Variants in HLCS observed in about 807,000 individuals in gnomAD.
The protein encoded by HLCS is biotin--protein ligase.
HLCS carries 53 observed loss-of-function variants against 75.0 expected under a neutral mutation model. The observed-to-expected ratio is 0.71, with a 90% confidence interval of 0.57 to 0.89. The LOEUF (loss-of-function observed/expected upper bound fraction) is 0.89, where lower values mean the gene tolerates loss of function less well. HLCS is among the 40% of genes least tolerant of loss of function. HLCS has a pLI of 0.00. For missense variants in HLCS, 966 were observed against 1,074.0 expected (o/e 0.90, Z 1.41); for synonymous variants, 431 against 428.6 (o/e 1.01, Z -0.07).
chr21:36,838,598 G>T (rs905020083), intron 6 of HLCS, among the ~76,000 whole-genome samples: 7 of 151,990 alleles, frequency 4.6e-5, no homozygotes, highest in African/African-American at 1.7e-4. Context: ...CAGCTACTCG[G>T]GAGGCTGAGG....
chr21:36,942,724 T>A (rs1176693000), intron 2 of HLCS, among the ~76,000 whole-genome samples: 1 of 151,896 alleles, frequency 6.6e-6, no homozygotes, highest in African/African-American at 2.4e-5. Context: ...GCAAATCATA[T>A]AAGAACTCCT....
intron 6 of HLCS, among the ~76,000 whole-genome samples, chr21:36,861,981 T>G (rs2063396881): frequency 6.6e-6 from 1 of 152,188 alleles, no homozygotes; most frequent in Non-Finnish European, 1.5e-5. Context: ...TGATCTATTA[T>G]ACTTACTATC....
chr21:36,805,060 C>T (rs571302579), intron 6 of HLCS, among the ~76,000 whole-genome samples: 7 of 152,142 alleles, frequency 4.6e-5, no homozygotes, highest in East Asian at 1.9e-4. Context: ...GCTACAAAAT[C>T]GGTGAAGGAT....
intron 6 of HLCS, among the ~76,000 whole-genome samples, chr21:36,778,467 CA>C (rs1342040816): frequency 1.3e-5 from 2 of 151,758 alleles, no homozygotes; most frequent in Non-Finnish European, 2.9e-5. Flanking sequence ...TTAGTACAGA[CA>C]GGGTTTCTCC....
At chr21:36,763,190 A>G (rs2089911666) in intron 8 of HLCS, among the ~76,000 whole-genome samples, 1 of 152,060 alleles carries the variant, frequency 6.6e-6, no homozygotes, top group East Asian at 1.9e-4. Context: ...ATGTCTGGCT[A>G]CTTTTTGTGT....
chr21:36,774,031 A>T (rs2060285010), intron 6 of HLCS, among the ~76,000 whole-genome samples: 1 of 152,182 alleles, frequency 6.6e-6, no homozygotes, highest in African/African-American at 2.4e-5. Context: ...GGAATGCACA[A>T]GATTGTTTTT....
intron 6 of HLCS, among the ~76,000 whole-genome samples, chr21:36,808,976 G>A (rs997192395): frequency 2.6e-5 from 4 of 152,156 alleles, no homozygotes; most frequent in Admixed American, 6.5e-5. Flanking sequence ...CACTTTGGGA[G>A]GCTGAGGCAA....
chr21:36,885,240 C>T (rs2064397458), intron 6 of HLCS, among the ~76,000 whole-genome samples: 1 of 152,202 alleles, frequency 6.6e-6, no homozygotes, highest in Non-Finnish European at 1.5e-5. Context: ...GGCACGGTGG[C>T]TCATGCCTAT....
intron 6 of HLCS, among the ~76,000 whole-genome samples, chr21:36,867,291 C>T (rs934339877): frequency 6.6e-6 from 1 of 152,182 alleles, no homozygotes; most frequent in Non-Finnish European, 1.5e-5. Context: ...GCGTAGCATG[C>T]TCTTATTGTG....
At chr21:36,826,929 T>C (rs1328741226) in intron 6 of HLCS, among the ~76,000 whole-genome samples, 1 of 152,060 alleles carries the variant, frequency 6.6e-6, no homozygotes, top group Non-Finnish European at 1.5e-5. Flanking sequence ...TTAATAGGTA[T>C]AAACATGGTC....
At position 36,917,331 on chromosome 21, in the gene HLCS, A is replaced by C. The variant is rs571731191; in HGVS notation, c.1620+12920T>G. On this transcript the variant is annotated intron_variant, in intron 5 of 10. Transcript: ENST00000674895. ...TGCCTTTGCCGGGGAAGGGCTGCTGAACCATTCTGAGGCAAGAACACCTCC... is the reference window on the plus strand; with the variant it reads ...TGCCTTTGCCGGGGAAGGGCTGCTGCACCATTCTGAGGCAAGAACACCTCC... Among the ~76,000 whole-genome samples the C allele has an allele frequency of 2.2e-4, 34 of 152,278 alleles. No homozygotes were observed. The South Asian group carries it at 7.0e-3, about 32-fold the overall frequency.
Position 36,751,019 on chromosome 21 carries a change from C to CA in HLCS, c.*3226dup, listed in dbSNP as rs35955622. 11,872 of 139,324 alleles carry CA rather than the reference C, an allele frequency of 0.085. 502 individuals are homozygous for CA. The highest frequency in any genetic ancestry group is 0.2 in the Middle Eastern group (54 of 274). The allele number at this position is 139,324 out of a possible 1,614,324, so 8.6% of individuals were successfully genotyped here. A position where few individuals can be genotyped will look rare whatever the true frequency, so the allele number is the denominator to read the frequency against. On this transcript the variant is annotated 3_prime_UTR_variant, in exon 11 of 11. Transcript: ENST00000674895. Reference sequence around the variant, plus strand: ...CTGAATACATTTGTCAATAATACGTCAAAAAAAAAAACACTTGGCTTCTTA... The same window carrying CA: ...CTGAATACATTTGTCAATAATACGTCAAAAAAAAAAAACACTTGGCTTCTTA...
At chr21:36,957,126 C>T (rs948790537) in intron 2 of HLCS, among the ~76,000 whole-genome samples, 39 of 151,210 alleles carry the variant, frequency 2.6e-4, no homozygotes, top group Admixed American at 2.4e-3. Flanking sequence ...CCAAATCTCA[C>T]GTTGAAATGT....
chr21:36,861,298 T>C (rs2063374166), intron 6 of HLCS, among the ~76,000 whole-genome samples: 1 of 152,326 alleles, frequency 6.6e-6, no homozygotes, highest in Admixed American at 6.5e-5. Context: ...AACGTCCCTG[T>C]GGTGTTTACC....
chr21:36,765,677 C>T (rs1462118789), intron 7 of HLCS, among the ~76,000 whole-genome samples: 1 of 152,194 alleles, frequency 6.6e-6, no homozygotes, highest in Admixed American at 6.5e-5. Context: ...GATGGAGTCT[C>T]ACTATGCCAC....
intron 6 of HLCS, among the ~76,000 whole-genome samples, chr21:36,804,796 A>G (rs566667566): frequency 6.6e-6 from 1 of 152,278 alleles, no homozygotes; most frequent in Non-Finnish European, 1.5e-5. Context: ...ATCTACCAAC[A>G]ACATCAGGTT....
chr21:36,841,783 T>C (rs1173578295), intron 6 of HLCS, among the ~76,000 whole-genome samples: 3 of 152,230 alleles, frequency 2.0e-5, no homozygotes, highest in African/African-American at 7.2e-5. Flanking sequence ...GGCTCTGTTC[T>C]GCAGCCACAG....
upstream of HLCS, among the ~76,000 whole-genome samples, chr21:36,969,779 G>A (rs1245837249): frequency 6.6e-6 from 1 of 152,012 alleles, no homozygotes; most frequent in African/African-American, 2.4e-5. Context: ...CACCATGTTG[G>A]CCAGGCTGGT....
chr21:36,793,968 G>A (rs1239417727), intron 6 of HLCS, among the ~76,000 whole-genome samples: 2 of 152,192 alleles, frequency 1.3e-5, no homozygotes, highest in Non-Finnish European at 2.9e-5. Context: ...CAGCTGTTTA[G>A]AAGCCTCAGA....
Sources: gnomAD v4.1 joint callset for allele counts (sites outside exome capture counted in the v4.1 genomes callset) on GRCh38, gnomAD v4.1.1 for gene constraint, MANE v1.5 for transcripts, NCBI Gene and HGNC (gene_info 2026-07-23, HGNC 2026-07-21) for gene names.